The following TAOK3 variants were observed in gnomAD, a reference collection of about 807,000 sequenced individuals.
TAOK3 encodes serine/threonine-protein kinase TAO3.
TAOK3 carries 40 observed loss-of-function variants against 120.4 expected under a neutral mutation model. That is an observed-to-expected ratio of 0.33 (90% CI 0.26 to 0.43). TAOK3 has a LOEUF of 0.43. Among genes scored for constraint, TAOK3 ranks in the 20% least tolerant of loss-of-function variants. The pLI, the probability that TAOK3 is intolerant of heterozygous loss-of-function variation, is 1.00. For synonymous variants in TAOK3, 355 were observed against 387.5 expected (o/e 0.92, Z 0.99); for missense variants, 821 against 1,112.1 (o/e 0.74, Z 3.72).
At chr12:118,340,664 A>T (rs1268187409) in intron 1 of TAOK3, among the ~76,000 whole-genome samples, 1 of 152,126 alleles carries the variant, frequency 6.6e-6, no homozygotes, top group Non-Finnish European at 1.5e-5. Flanking sequence ...TTTAACAGTT[A>T]TCAATTCATG....
chr12:118,291,245 C>T (rs946146266), intron 1 of TAOK3, among the ~76,000 whole-genome samples: 2 of 150,582 alleles, frequency 1.3e-5, no homozygotes, highest in East Asian at 2.0e-4. Flanking sequence ...TACCCTCTGC[C>T]TCCTGGGTTC....
chr12:118,292,396 GAAGT>G (rs1312606996), intron 1 of TAOK3, among the ~76,000 whole-genome samples: 6 of 152,262 alleles, frequency 3.9e-5, no homozygotes, highest in East Asian at 1.9e-4. Flanking sequence ...AAGACAGAAA[GAAGT>G]AAGAGTTACT....
intron 3 of TAOK3, among the ~76,000 whole-genome samples, chr12:118,249,879 T>C (rs1488900535): frequency 2.0e-5 from 3 of 152,052 alleles, no homozygotes. Flanking sequence ...AAAGCTTTCT[T>C]TTTGCCCTAT....
chr12:118,155,517 TC>T (rs971989905), intron 19 of TAOK3, among the ~76,000 whole-genome samples: 2 of 152,074 alleles, frequency 1.3e-5, no homozygotes, highest in Non-Finnish European at 2.9e-5. Context: ...TAAATTAGGG[TC>T]AAAACAGTAA....
At chr12:118,168,980 CCTTCCTTCCTTCCTTCCTTCCTTT>C (rs1297778157) in intron 17 of TAOK3, among the ~76,000 whole-genome samples, 7 of 145,702 alleles carry the variant, frequency 4.8e-5, no homozygotes, top group Non-Finnish European at 7.4e-5. Context: ...TTCCTTCCTT[CCTTCCTTCCTTCCTTCCTTCCTTT>C]CTTTCTTTCT....
chr12:118,237,113 G>A (rs1479182290), intron 7 of TAOK3, among the ~76,000 whole-genome samples: 1 of 152,088 alleles, frequency 6.6e-6, no homozygotes, highest in Non-Finnish European at 1.5e-5. Flanking sequence ...ACATGATTAG[G>A]TTCACTCTTT....
chr12:118,207,943 C>T (rs2038421277), intron 11 of TAOK3, among the ~76,000 whole-genome samples: 1 of 151,030 alleles, frequency 6.6e-6, no homozygotes, highest in South Asian at 2.1e-4. Flanking sequence ...AATTTCTTCA[C>T]CAAAAGAGTT....
intron 2 of TAOK3, among the ~76,000 whole-genome samples, chr12:118,259,162 T>C (rs191696020): frequency 6.6e-6 from 1 of 152,318 alleles, no homozygotes; most frequent in East Asian, 1.9e-4. Flanking sequence ...ATAACTTCTT[T>C]ATCTTAAACA....
At chr12:118,226,274 G>C (rs1173091179) in intron 9 of TAOK3, among the ~76,000 whole-genome samples, 1 of 152,218 alleles carries the variant, frequency 6.6e-6, no homozygotes, top group Non-Finnish European at 1.5e-5. Flanking sequence ...TACTCAGGAG[G>C]CTGAGGCAGC....
Position 118,160,381 on chromosome 12 carries a change from G to A in TAOK3, c.2140-23C>T. On this transcript the variant is annotated intron_variant, in intron 18 of 20. Coordinates refer to ENST00000392533, the MANE Select transcript of TAOK3 (RefSeq NM_016281.4). This position sits in a 1 kb window ranked among gnomAD's most constrained non-coding sequence, Gnocchi z 4.2. ...GGCCTGGGTAGAAAAAGTGACAAAG[G>A]AAAAATAAAGGCACATCAGTAAATA... 1.3e-6 allele frequency: 2 copies of A among 1,584,454 alleles called. No homozygotes were observed. The highest frequency in any genetic ancestry group is 2.2e-5 in the South Asian group (2 of 90,038).
At chr12:118,188,426 T>C (rs1408622802) in intron 14 of TAOK3, among the ~76,000 whole-genome samples, 1 of 152,222 alleles carries the variant, frequency 6.6e-6, no homozygotes, top group Non-Finnish European at 1.5e-5. Flanking sequence ...AGATCTCCAT[T>C]ACATAGTGTA....
chr12:118,270,406 C>A (rs906922570), intron 1 of TAOK3, among the ~76,000 whole-genome samples: 1 of 152,112 alleles, frequency 6.6e-6, no homozygotes, highest in Non-Finnish European at 1.5e-5. Context: ...TGCTCAAAAT[C>A]TTTCAAAATC....
intron 1 of TAOK3, among the ~76,000 whole-genome samples, chr12:118,273,684 C>T (rs772060554): frequency 2.7e-5 from 4 of 150,862 alleles, no homozygotes; most frequent in Middle Eastern, 3.4e-3. Flanking sequence ...GGCGTGGTGG[C>T]GCATACCTAT....
intron 2 of TAOK3, among the ~76,000 whole-genome samples, chr12:118,256,223 C>A (rs2040982182): frequency 6.6e-6 from 1 of 152,090 alleles, no homozygotes; most frequent in African/African-American, 2.4e-5. Flanking sequence ...CAGTGAGATA[C>A]CATTGCATAC....
chr12:118,303,226 T>C (rs2042938060), intron 1 of TAOK3, among the ~76,000 whole-genome samples: 1 of 152,190 alleles, frequency 6.6e-6, no homozygotes, highest in South Asian at 2.1e-4. Flanking sequence ...TCAGCCCCCA[T>C]TCCTTATCCT....
intron 16 of TAOK3, among the ~76,000 whole-genome samples, chr12:118,174,667 T>C (rs1028697122): frequency 6.6e-6 from 1 of 152,142 alleles, no homozygotes; most frequent in African/African-American, 2.4e-5. Context: ...TATTTTATTT[T>C]ACGATTTTTT....
At position 118,371,924 on chromosome 12, in the gene TAOK3, G is replaced by A. The variant is rs2045908543; in HGVS notation, c.-194+724C>T. Among the ~76,000 whole-genome samples the A allele has an allele frequency of 2.6e-5, 4 of 151,322 alleles. No individual in the cohort carries two copies. In the South Asian group the frequency reaches 8.4e-4, roughly 32 times the overall value. On this transcript the variant is annotated intron_variant, in intron 1 of 20. Coordinates refer to ENST00000392533, the MANE Select transcript of TAOK3 (RefSeq NM_016281.4). This position sits in a 1 kb window ranked among gnomAD's most constrained non-coding sequence, Gnocchi z 5.5. ...CCCCGCTGTCCTGGCCCCTCTCGGG[G>A]TCACCCTGCTCCCACCCGCTGTCCC... is the stretch of plus-strand genomic sequence containing the variant.
rs771304176 is a variant in TAOK3 at position 118,202,986 on chromosome 12, C to T, written c.820-1523G>A. On this transcript the variant is annotated intron_variant, in intron 11 of 20. Transcript: ENST00000392533. Reference sequence around the variant, plus strand: ...GTAGAGACGAGGTTTCACCATGTTGCCTTGGCTGGTCTTAAACTCCTGAGC... The same window carrying T: ...GTAGAGACGAGGTTTCACCATGTTGTCTTGGCTGGTCTTAAACTCCTGAGC... Among the ~76,000 whole-genome samples the T allele has an allele frequency of 3.3e-5, 5 of 151,636 alleles. 1 individual carries two copies. The highest frequency in any genetic ancestry group is 6.6e-5 in the Admixed American group (1 of 15,210).
At chr12:118,257,891 G>A (rs1283640786) in intron 2 of TAOK3, among the ~76,000 whole-genome samples, 2 of 152,080 alleles carry the variant, frequency 1.3e-5, no homozygotes, top group Non-Finnish European at 2.9e-5. Flanking sequence ...GAGTTTTGGA[G>A]GTAGAATGGG....
Sources: allele counts gnomAD v4.1 joint callset (sites outside exome capture counted in the v4.1 genomes callset), GRCh38; gene constraint gnomAD v4.1.1; non-coding constraint Gnocchi (gnomAD v3.1); transcripts MANE v1.5; gene names NCBI Gene and HGNC (gene_info 2026-07-23, HGNC 2026-07-21).